The following FILIP1L variants were observed in gnomAD, a reference collection of about 807,000 sequenced individuals.
The protein encoded by FILIP1L is filamin A interacting protein 1 like, also known as filamin A-interacting protein 1-like.
In FILIP1L, 55 loss-of-function variants were observed where a neutral mutation model predicts 96.6. The ratio of observed to expected loss-of-function variants is 0.57; its 90% confidence interval spans 0.46 to 0.71. The LOEUF (loss-of-function observed/expected upper bound fraction) is 0.71. Ranked by LOEUF, FILIP1L falls within the 30% of genes least tolerant of loss-of-function variation. FILIP1L has a pLI of 0.00. For synonymous variants in FILIP1L, 467 were observed against 473.9 expected, an observed-to-expected ratio of 0.99 and a Z score of 0.19; for missense variants, 1,304 against 1,321.2, an observed-to-expected ratio of 0.99 and a Z score of 0.20.
chr3:100,061,139 T>A (rs569329130), intron 1 of FILIP1L, among the ~76,000 whole-genome samples: 446 of 148,118 alleles, frequency 3.0e-3, no homozygotes, highest in African/African-American at 8.7e-3. Flanking sequence ...TGTTAAAATT[T>A]AAAAAAAAAA....
intron 1 of FILIP1L, among the ~76,000 whole-genome samples, chr3:99,958,681 C>G (rs1257737432): frequency 6.6e-6 from 1 of 152,112 alleles, no homozygotes; most frequent in Admixed American, 6.6e-5. Context: ...GGGGGCAGAG[C>G]AGGCAGTGTG....
rs752637147 is a variant in FILIP1L, at chr3:99,924,347, A to G, written c.488T>C (p.Val163Ala). Residue 163 changes from valine (V) to alanine (A), a missense_variant, in exon 4 of 6, where the codon GTG becomes GCG. By Grantham distance (64) the Val-to-Ala change is moderately conservative. Transcript: ENST00000477258. ...GGTTTGCCTACGGGATTTTTCTGCC[A>G]CTAAAAGCTGTCCCAGGATTCGTCT... is the stretch of plus-strand genomic sequence containing the variant. ...SYRRILGQLL[V>A]AEKSRRQTIL... 8 of 1,614,116 alleles carry G rather than the reference A, an allele frequency of 5.0e-6. No homozygotes were observed. Among genetic ancestry groups the G allele is most frequent in the Middle Eastern group, 1.6e-4 (1 of 6,062 alleles).
At chr3:99,852,508 C>T (rs1173313872) in intron 4 of FILIP1L, among the ~76,000 whole-genome samples, 3 of 152,106 alleles carry the variant, frequency 2.0e-5, no homozygotes, top group South Asian at 2.1e-4. Flanking sequence ...TGCAGTGGGG[C>T]GATCTCGACT....
In FILIP1L at chr3:99,829,652, G is replaced by A. The variant is rs755751471; in HGVS notation, c.*762C>T. 1.3e-5 allele frequency among the ~76,000 whole-genome samples: 2 copies of A among 152,136 alleles called. No homozygotes were observed. Among genetic ancestry groups the A allele is most frequent in the East Asian group, 1.9e-4 (1 of 5,182 alleles). On this transcript the variant is annotated 3_prime_UTR_variant, in exon 6 of 6. Transcript: ENST00000477258. Reference sequence around the variant, plus strand: ...GCTTTTGTTGAATCAACTGATTTTCGATAGTGTTTATTCAGAGAAGAGATA... The same window carrying A: ...GCTTTTGTTGAATCAACTGATTTTCAATAGTGTTTATTCAGAGAAGAGATA...
chr3:100,067,212 T>G (rs2065681601), intron 1 of FILIP1L, among the ~76,000 whole-genome samples: 1 of 151,636 alleles, frequency 6.6e-6, no homozygotes. Flanking sequence ...ATAGGGAAAT[T>G]TTAGCATCAC....
chr3:99,944,252 T>G (rs908029359), intron 1 of FILIP1L, among the ~76,000 whole-genome samples: 2 of 152,182 alleles, frequency 1.3e-5, no homozygotes, highest in Non-Finnish European at 2.9e-5. Flanking sequence ...AATTGGGATT[T>G]GGCCAAGAAC....
intron 1 of FILIP1L, among the ~76,000 whole-genome samples, chr3:100,057,880 T>C (rs1055204910): frequency 3.9e-5 from 6 of 152,148 alleles, no homozygotes; most frequent in Non-Finnish European, 7.4e-5. Context: ...CGGTCCAACT[T>C]CTATGTATTC....
intron 4 of FILIP1L, among the ~76,000 whole-genome samples, chr3:99,892,325 G>A (rs1576552250): frequency 6.6e-6 from 1 of 152,184 alleles, no homozygotes; most frequent in Non-Finnish European, 1.5e-5. Flanking sequence ...CCTTCACTGA[G>A]AACTGTCATG....
chr3:99,878,424 G>A (rs368635106), intron 4 of FILIP1L, among the ~76,000 whole-genome samples: 1 of 152,210 alleles, frequency 6.6e-6, no homozygotes, highest in East Asian at 1.9e-4. Flanking sequence ...ATGATACAGG[G>A]ATTTAAAGCA....
chr3:99,967,821 A>G (rs10936008), intron 1 of FILIP1L, among the ~76,000 whole-genome samples: 107,847 of 152,016 alleles, frequency 0.71, 38,598 homozygotes, highest in East Asian at 0.81. Context: ...TTTTATATAC[A>G]TGATTTTGAG....
intron 4 of FILIP1L, among the ~76,000 whole-genome samples, chr3:99,870,742 C>T (rs1944746861): frequency 6.6e-6 from 1 of 152,186 alleles, no homozygotes; most frequent in African/African-American, 2.4e-5. Context: ...AATCACTCTT[C>T]TGTAAAATCT....
At chr3:99,854,366 A>G (rs1389593809) in intron 4 of FILIP1L, among the ~76,000 whole-genome samples, 7 of 152,210 alleles carry the variant, frequency 4.6e-5, no homozygotes, top group Non-Finnish European at 7.3e-5. Context: ...AAGCAGATCA[A>G]TGATTTTGAT....
chr3:99,996,423 T>G, intron 1 of FILIP1L, among the ~76,000 whole-genome samples: 1 of 152,156 alleles, frequency 6.6e-6, no homozygotes, highest in East Asian at 1.9e-4. Context: ...CTTTCCCACA[T>G]TTTCCTGTCT....
intron 1 of FILIP1L, among the ~76,000 whole-genome samples, chr3:99,942,167 AC>A (rs1220257662): frequency 6.6e-6 from 1 of 151,462 alleles, no homozygotes; most frequent in East Asian, 1.9e-4. Context: ...GTGCCACTGC[AC>A]TCCAGCCTGG....
chr3:99,948,693 GGA>G (rs1002473413), intron 1 of FILIP1L, among the ~76,000 whole-genome samples: 2 of 146,842 alleles, frequency 1.4e-5, no homozygotes, highest in Non-Finnish European at 3.0e-5. Flanking sequence ...AGAGGAGAAA[GGA>G]GAGAGAAAGG....
intron 5 of FILIP1L, among the ~76,000 whole-genome samples, chr3:99,845,303 C>T (rs999003159): frequency 1.3e-5 from 2 of 152,066 alleles, no homozygotes; most frequent in African/African-American, 4.8e-5. Flanking sequence ...TAAAATCATT[C>T]GAATCTGTGA....
At chr3:99,837,548 G>T (rs1247858795) in intron 5 of FILIP1L, among the ~76,000 whole-genome samples, 4 of 152,120 alleles carry the variant, frequency 2.6e-5, no homozygotes, top group Non-Finnish European at 5.9e-5. Context: ...TTATTGTATT[G>T]TGAGGGGAGA....
chr3:100,048,040 G>C (rs1003466708), intron 1 of FILIP1L, among the ~76,000 whole-genome samples: 8 of 152,138 alleles, frequency 5.3e-5, no homozygotes, highest in Non-Finnish European at 1.2e-4. Flanking sequence ...GTTTAAATTA[G>C]TAGTAAGGGA....
chr3:100,000,058 T>C (rs1294398877), intron 1 of FILIP1L, among the ~76,000 whole-genome samples: 1 of 152,152 alleles, frequency 6.6e-6, no homozygotes, highest in Non-Finnish European at 1.5e-5. Flanking sequence ...CCCAGGCATC[T>C]CTATTTTTTG....
Sources: allele counts gnomAD v4.1 joint callset (sites outside exome capture counted in the v4.1 genomes callset), GRCh38; gene constraint gnomAD v4.1.1; transcripts MANE v1.5; gene names NCBI Gene and HGNC (gene_info 2026-07-23, HGNC 2026-07-21).